The following ODR4 variants were observed in gnomAD, a reference collection of about 807,000 sequenced individuals.
The protein encoded by ODR4 is protein odr-4 homolog.
A neutral mutation model predicts 60.2 loss-of-function variants in ODR4; 47 were observed. That is an observed-to-expected ratio of 0.78 (90% CI 0.62 to 1.00). The LOEUF (loss-of-function observed/expected upper bound fraction) is 1.00, where lower values mean the gene tolerates loss of function less well. ODR4 is among the 50% of genes least tolerant of loss of function. The pLI, the probability that ODR4 is intolerant of heterozygous loss-of-function variation, is 0.00. For synonymous variants in ODR4, 178 were observed against 175.5 expected (o/e 1.01, Z -0.11); for missense variants, 488 against 530.8 (o/e 0.92, Z 0.79).
chr1:186,382,090 G>T (rs749479341), intron 2 of ODR4, among the ~76,000 whole-genome samples: 11 of 151,782 alleles, frequency 7.2e-5, no homozygotes, highest in African/African-American at 2.4e-4. Context: ...CCCAACTTTG[G>T]TTACTACTTA....
chr1:186,390,401 G>GT (rs1660417854), intron 6 of ODR4, among the ~76,000 whole-genome samples: 1 of 152,166 alleles, frequency 6.6e-6, no homozygotes, highest in Non-Finnish European at 1.5e-5. Flanking sequence ...AGAATCTTCA[G>GT]TATTGATACT....
chr1:186,411,872 A>C (rs1052214311), intron 12 of ODR4: 1 of 973,546 alleles, frequency 1.0e-6, no homozygotes, highest in Non-Finnish European at 1.2e-6. Flanking sequence ...AAGGAAGCAA[A>C]ACAGCAATTT....
chr1:186,403,918 G>C (rs1661079491), intron 11 of ODR4, among the ~76,000 whole-genome samples: 1 of 152,048 alleles, frequency 6.6e-6, no homozygotes, highest in African/African-American at 2.4e-5. Context: ...TTGTAATCCT[G>C]TTTGTCTGTG....
intron 12 of ODR4, among the ~76,000 whole-genome samples, chr1:186,414,215 G>T (rs913001377): frequency 3.3e-5 from 5 of 152,014 alleles, no homozygotes; most frequent in African/African-American, 1.2e-4. Context: ...TCTCAAATTT[G>T]TATCAAACCT....
chr1:186,431,613 T>C, the ODR4 span, among the ~76,000 whole-genome samples: 1 of 152,140 alleles, frequency 6.6e-6, no homozygotes, highest in Non-Finnish European at 1.5e-5. Flanking sequence ...CCCTAAAAGA[T>C]ATGTAGTATT....
chr1:186,385,503 T>G (rs3119333), intron 3 of ODR4, among the ~76,000 whole-genome samples: 6,687 of 151,636 alleles, frequency 0.044, 168 homozygotes, highest in Non-Finnish European at 0.048. Flanking sequence ...GCCTTTGAAG[T>G]ATCCAGTAGG....
the ODR4 span, among the ~76,000 whole-genome samples, chr1:186,427,367 C>T: frequency 2.0e-5 from 3 of 152,160 alleles, no homozygotes; most frequent in African/African-American, 7.2e-5. Context: ...GCATCTTTGC[C>T]AGGAGTAGGT....
intron 3 of ODR4, among the ~76,000 whole-genome samples, chr1:186,385,479 A>G (rs936997127): frequency 2.0e-5 from 3 of 151,788 alleles, no homozygotes; most frequent in African/African-American, 4.8e-5. Context: ...CAGAGAAGGC[A>G]GCTTCCTCAA....
intron 12 of ODR4, 68 bp from the exon 13 acceptor site, chr1:186,417,476 C>A: frequency 1.2e-6 from 1 of 852,772 alleles, no homozygotes; most frequent in Non-Finnish European, 1.9e-6. Flanking sequence ...TTATAATGTT[C>A]TTTAAAGCTC....
At chr1:186,431,936 TTA>T in the ODR4 span, among the ~76,000 whole-genome samples, 2 of 152,100 alleles carry the variant, frequency 1.3e-5, no homozygotes, top group African/African-American at 4.8e-5. Flanking sequence ...GGTAGGGGGC[TTA>T]TGTTTTAGAT....
In ODR4 at chr1:186,390,859, G is replaced by T. The variant is rs1383566961; in HGVS notation, c.615+8G>T. On this transcript the variant is annotated splice_region_variant and intron_variant, in intron 7 of 13. Coordinates refer to ENST00000287859, the MANE Select transcript of ODR4 (RefSeq NM_017847.6). Reference sequence around the variant, plus strand: ...CTGGAGAAAAATACAAAGGTACCAGGGTAAAATGAATTTTCTTCAGTGATT... The same window carrying T: ...CTGGAGAAAAATACAAAGGTACCAGTGTAAAATGAATTTTCTTCAGTGATT... The T allele has an allele frequency of 6.2e-7, 1 of 1,606,858 alleles. No individual in the cohort carries two copies. Among genetic ancestry groups the T allele is most frequent in the Non-Finnish European group, 8.5e-7 (1 of 1,175,890 alleles).
intron 12 of ODR4, among the ~76,000 whole-genome samples, chr1:186,409,837 G>A (rs1164908038): frequency 6.6e-6 from 1 of 152,160 alleles, no homozygotes; most frequent in South Asian, 2.1e-4. Flanking sequence ...AGTCACCAAG[G>A]CCAGCCAATA....
chr1:186,402,768 A>G (rs1179392321), intron 11 of ODR4, among the ~76,000 whole-genome samples: 1 of 151,630 alleles, frequency 6.6e-6, no homozygotes, highest in Non-Finnish European at 1.5e-5. Flanking sequence ...TTTAATTTTT[A>G]CCTTTTTGTA....
At chr1:186,427,991 G>A in the ODR4 span, among the ~76,000 whole-genome samples, 1 of 152,166 alleles carries the variant, frequency 6.6e-6, no homozygotes, top group East Asian at 1.9e-4. Flanking sequence ...CTTTTCATTG[G>A]TAGAGCATGG....
intron 11 of ODR4, chr1:186,401,055 T>C (rs752834743): frequency 6.3e-7 from 1 of 1,595,468 alleles, no homozygotes; most frequent in East Asian, 2.3e-5. Context: ...TATGGGGATG[T>C]ATCCACCATT....
At chr1:186,394,857 G>GTATT (rs1354250649) in intron 9 of ODR4, among the ~76,000 whole-genome samples, 1 of 152,160 alleles carries the variant, frequency 6.6e-6, no homozygotes, top group Non-Finnish European at 1.5e-5. Flanking sequence ...TACCTTAGAG[G>GTATT]TATTTTAGTC....
the ODR4 span, among the ~76,000 whole-genome samples, chr1:186,431,154 A>G: frequency 6.6e-6 from 1 of 152,148 alleles, no homozygotes; most frequent in African/African-American, 2.4e-5. Flanking sequence ...ATATATACGG[A>G]CTTGTAGGTG....
chr1:186,391,567 TA>T, intron 7 of ODR4, 128 bp from the exon 8 acceptor site: 4 of 651,820 alleles, frequency 6.1e-6, no homozygotes, highest in Non-Finnish European at 1.1e-5. Flanking sequence ...AAACTAGATT[TA>T]AATGCTGCAG....
the ODR4 span, among the ~76,000 whole-genome samples, chr1:186,427,163 A>G: frequency 6.6e-6 from 1 of 152,172 alleles, no homozygotes; most frequent in Admixed American, 6.5e-5. Flanking sequence ...TTGAAAGACA[A>G]TGACATTTGC....
Sources: gnomAD v4.1 joint callset for allele counts (sites outside exome capture counted in the v4.1 genomes callset) on GRCh38, gnomAD v4.1.1 for gene constraint, MANE v1.5 for transcripts, NCBI Gene and HGNC (gene_info 2026-07-23, HGNC 2026-07-21) for gene names.